The following FOS variants were observed in gnomAD, a reference collection of about 807,000 sequenced individuals.
FOS encodes Fos proto-oncogene, AP-1 transcription factor subunit.
A neutral mutation model predicts 27.2 loss-of-function variants in FOS; 9 were observed. That is an observed-to-expected ratio of 0.33 (90% CI 0.20 to 0.58). The LOEUF is 0.58. Among genes scored for constraint, FOS ranks in the 20% least tolerant of loss-of-function variants. The pLI is 0.87. For missense variants in FOS, 405 were observed against 483.5 expected (o/e 0.84, Z 1.52); for synonymous variants, 213 against 205.1 (o/e 1.04, Z -0.33).
chr14:75,280,097 A>G lies in FOS; in HGVS notation c.362A>G (p.Gln121Arg), dbSNP rs370389688. 76 of 1,613,950 alleles carry G rather than the reference A, an allele frequency of 4.7e-5. No individual in the cohort carries two copies. The highest frequency in any genetic ancestry group is 6.3e-5 in the Non-Finnish European group (74 of 1,180,048). Residue 121 changes from glutamine to arginine, a missense_variant, in exon 2 of 4, where the codon CAG becomes CGG. Coordinates refer to ENST00000303562, the MANE Select transcript of FOS (RefSeq NM_005252.4). ...VVKTMTGGRA[Q>R]SIGRRGKVEQ... ...AAGACCATGACAGGAGGCCGAGCGC[A>G]GAGCATTGGCAGGAGGGGCAAGGTG... is the stretch of plus-strand genomic sequence containing the variant.
chr14:75,280,036 C>G lies in FOS; in HGVS notation c.301C>G (p.Pro101Ala). ...CCCTCACCCTTTCGGAGTCCCCGCC[C>G]CCTCCGCTGGGGCTTACTCCAGGGC... ...RAPHPFGVPA[P>A]SAGAYSRAGV... is the part of the protein sequence containing the mutation. Residue 101 changes from proline (P) to alanine (A), a missense_variant, in exon 2 of 4, where the codon CCC (proline) becomes GCC (alanine). Pro to Ala is a conservative substitution (Grantham distance 27, BLOSUM62 -1). Coordinates refer to ENST00000303562, the MANE Select transcript of FOS (RefSeq NM_005252.4). 6.2e-7 allele frequency: 1 copy of G among 1,614,158 alleles called. No homozygotes were observed. The highest frequency in any genetic ancestry group is 8.5e-7 in the Non-Finnish European group (1 of 1,180,024).
chr14:75,280,203 A>C, intron 2 of FOS, 75 bp downstream of exon 2: 1 of 1,599,052 alleles, frequency 6.3e-7, no homozygotes. Flanking sequence ...GCAGGAGCCC[A>C]GTACAGAGGA....
At chr14:75,280,413 T>G in intron 2 of FOS, 147 bp from the exon 3 acceptor site, 1 of 708,042 alleles carries the variant, frequency 1.4e-6, no homozygotes, top group Non-Finnish European at 2.4e-6. Context: ...AAGTCACACC[T>G]AGTCTGCAAC....
In FOS at chr14:75,278,982, G is replaced by A; in HGVS notation, c.-1G>A. On this transcript the variant is annotated 5_prime_UTR_variant, in exon 1 of 4. Coordinates refer to ENST00000303562, the MANE Select transcript of FOS (RefSeq NM_005252.4). The surrounding 1 kb of genome is among the most constrained non-coding windows in gnomAD (Gnocchi z 4.1). ...TCGCCCGGCTTTGCCTAACCGCCAC[G>A]ATGATGTTCTCGGGCTTCAACGCAG... 2 of 1,613,590 alleles carry A rather than the reference G, an allele frequency of 1.2e-6. No individual in the cohort carries two copies. The highest frequency in any genetic ancestry group is 8.5e-7 in the Non-Finnish European group (1 of 1,179,912).
Position 75,281,623 on chromosome 14 carries a change from G to T in FOS, c.*199G>T, listed in dbSNP as rs1358739433. 3 of 610,572 alleles carry T rather than the reference G, an allele frequency of 4.9e-6. No individual in the cohort carries two copies. In the South Asian group the frequency reaches 6.0e-5, roughly 12 times the overall value. 37.8% of individuals were successfully genotyped at this position (610,572 alleles called of 1,614,324 possible). On this transcript the variant is annotated 3_prime_UTR_variant, in exon 4 of 4. Transcript: ENST00000303562. The surrounding 1 kb of genome is among the most constrained non-coding windows in gnomAD (Gnocchi z 4.7). ...GTGGACTCAAGTCCTTACCTCTTCC[G>T]GAGATGTAGCAAAACGCATGGAGTG...
At position 75,279,819 on chromosome 14, in the gene FOS, C is replaced by T; in HGVS notation, c.142-58C>T. On this transcript the variant is annotated intron_variant, in intron 1 of 3. Coordinates refer to ENST00000303562, the MANE Select transcript of FOS (RefSeq NM_005252.4). This position sits in a 1 kb window ranked among gnomAD's most constrained non-coding sequence, Gnocchi z 5.4. Reference sequence around the variant, plus strand: ...CTGCATGCGGCACTGGGAACTCGCCCCACCTGTGTCCGGAACCTGCTCGCT... The same window carrying T: ...CTGCATGCGGCACTGGGAACTCGCCTCACCTGTGTCCGGAACCTGCTCGCT... 1 of 1,536,980 alleles carries T rather than the reference C, an allele frequency of 6.5e-7. No homozygotes were observed. The highest frequency in any genetic ancestry group is 8.8e-7 in the Non-Finnish European group (1 of 1,139,228).
Position 75,279,420 on chromosome 14 carries a change from G to T in FOS, c.141+297G>T. 2.1e-6 allele frequency: 1 copy of T among 484,410 alleles called. No individual in the cohort carries two copies. Among genetic ancestry groups the T allele is most frequent in the South Asian group, 2.4e-5 (1 of 40,830 alleles). The allele number at this position is 484,410 out of a possible 1,614,324, so 30.0% of individuals were successfully genotyped here. On this transcript the variant is annotated intron_variant, in intron 1 of 3. Coordinates refer to ENST00000303562, the MANE Select transcript of FOS (RefSeq NM_005252.4). The surrounding 1 kb of genome is among the most constrained non-coding windows in gnomAD (Gnocchi z 5.4). ...GCAGACGTGTCCCAAGCACAAACTCGCTAACTAGAGCCTGGCTTCTCCGGG... is the reference window on the plus strand; with the variant it reads ...GCAGACGTGTCCCAAGCACAAACTCTCTAACTAGAGCCTGGCTTCTCCGGG...
rs1897233892 is a variant in FOS at position 75,281,930 on chromosome 14, A to G, written c.*506A>G. On this transcript the variant is annotated 3_prime_UTR_variant, in exon 4 of 4. Coordinates refer to ENST00000303562, the MANE Select transcript of FOS (RefSeq NM_005252.4). The surrounding 1 kb of genome is among the most constrained non-coding windows in gnomAD (Gnocchi z 4.7). ...CGACTTTATTTTCTGGTAGATAGAA[A>G]TAAATAGCTATATCCATGTACTGTA... 6.2e-6 allele frequency: 1 copy of G among 162,262 alleles called. No homozygotes were observed. Among genetic ancestry groups the G allele is most frequent in the South Asian group, 1.5e-4 (1 of 6,658 alleles). 10.1% of individuals were successfully genotyped at this position (162,262 alleles called of 1,614,324 possible).
chr14:75,279,745 A>T lies in FOS; in HGVS notation c.142-132A>T. On this transcript the variant is annotated intron_variant, in intron 1 of 3. Transcript: ENST00000303562. The surrounding 1 kb of genome is among the most constrained non-coding windows in gnomAD (Gnocchi z 5.4). ...AGGGGGAGACCTTTCATCCAGGATG[A>T]GGGACATTTAAGATGAAATGTCCGT... 9.4e-7 allele frequency: 1 copy of T among 1,064,214 alleles called. No homozygotes were observed. 65.9% of individuals were successfully genotyped at this position (1,064,214 alleles called of 1,614,324 possible). A position where few individuals can be genotyped will look rare whatever the true frequency, so the allele number is the denominator to read the frequency against.
Position 75,279,978 on chromosome 14 carries a change from C to T in FOS, c.243C>T (p.Leu81=), listed in dbSNP as rs865962345. The T allele has an allele frequency of 1.1e-5, 17 of 1,614,026 alleles. No individual in the cohort carries two copies. The highest frequency in any genetic ancestry group is 1.3e-5 in the Non-Finnish European group (15 of 1,180,016). ...PDLQWLVQPA[L]VSSVAPSQTR... is the part of the protein sequence containing the mutation. ...TGCAGTGGCTGGTGCAGCCCGCCCT[C>T]GTCTCCTCCGTGGCCCCATCGCAGA... The change falls in exon 2 of 4, where the codon CTC becomes CTT. Residue 81 remains leucine (L), a synonymous_variant. Transcript: ENST00000303562. This position sits in a 1 kb window ranked among gnomAD's most constrained non-coding sequence, Gnocchi z 5.4.
In FOS at chr14:75,279,736, T is replaced by C. The variant is rs1897204677; in HGVS notation, c.142-141T>C. On this transcript the variant is annotated intron_variant, in intron 1 of 3. Coordinates refer to ENST00000303562, the MANE Select transcript of FOS (RefSeq NM_005252.4). This position sits in a 1 kb window ranked among gnomAD's most constrained non-coding sequence, Gnocchi z 5.4. ...GGGAGGAAAAGGGGGAGACCTTTCA[T>C]CCAGGATGAGGGACATTTAAGATGA... 2 of 1,010,602 alleles carry C rather than the reference T, an allele frequency of 2.0e-6. No homozygotes were observed. Among genetic ancestry groups the C allele is most frequent in the South Asian group, 3.2e-5 (2 of 62,620 alleles). The allele number at this position is 1,010,602 out of a possible 1,614,324, so 62.6% of individuals were successfully genotyped here. A position where few individuals can be genotyped will look rare whatever the true frequency, so the allele number is the denominator to read the frequency against.
At chr14:75,280,497 G>A (rs1897215082) in intron 2 of FOS, 63 bp from the exon 3 acceptor site, 1 of 1,311,206 alleles carries the variant, frequency 7.6e-7, no homozygotes, top group Admixed American at 1.9e-5. Context: ...TACTGGGGTG[G>A]GTGAATGGAG....
chr14:75,279,272 C>T lies in FOS; in HGVS notation c.141+149C>T, dbSNP rs551785157. ...CCGGAGCGGTGCCGGCTCGGGGGCT[C>T]GGGACTTGCTCTGAGCGCACGCACG... On this transcript the variant is annotated intron_variant, in intron 1 of 3. Coordinates refer to ENST00000303562, the MANE Select transcript of FOS (RefSeq NM_005252.4). This position sits in a 1 kb window ranked among gnomAD's most constrained non-coding sequence, Gnocchi z 5.4. 3.6e-4 allele frequency: 370 copies of T among 1,025,608 alleles called. 2 individuals are homozygous for T. The highest frequency in any genetic ancestry group is 3.4e-3 in the East Asian group (132 of 39,236). The allele number at this position is 1,025,608 out of a possible 1,614,324, so 63.5% of individuals were successfully genotyped here.
rs1253186300 is a variant in FOS, at chr14:75,279,748, G to C, written c.142-129G>C. The C allele has an allele frequency of 9.1e-7, 1 of 1,097,696 alleles. No individual in the cohort carries two copies. Among genetic ancestry groups the C allele is most frequent in the Non-Finnish European group, 1.3e-6 (1 of 759,294 alleles). 68.0% of individuals were successfully genotyped at this position (1,097,696 alleles called of 1,614,324 possible). ...GGGAGACCTTTCATCCAGGATGAGG[G>C]ACATTTAAGATGAAATGTCCGTGGC... On this transcript the variant is annotated intron_variant, in intron 1 of 3. Transcript: ENST00000303562. The surrounding 1 kb of genome is among the most constrained non-coding windows in gnomAD (Gnocchi z 5.4).
At position 75,281,668 on chromosome 14, in the gene FOS, CTTCAG is replaced by C; in HGVS notation, c.*245_*249del. 1 of 531,982 alleles carries C rather than the reference CTTCAG, an allele frequency of 1.9e-6. No homozygotes were observed. Among genetic ancestry groups the C allele is most frequent in the South Asian group, 2.5e-5 (1 of 39,666 alleles). 33.0% of individuals were successfully genotyped at this position (531,982 alleles called of 1,614,324 possible). A position where few individuals can be genotyped will look rare whatever the true frequency, so the allele number is the denominator to read the frequency against. ...GGAGTGTGTATTGTTCCCAGTGACA[CTTCAG>C]AGAGCTGGTAGTTAGTAGCATGTTG... On this transcript the variant is annotated 3_prime_UTR_variant, in exon 4 of 4. Transcript: ENST00000303562. This position sits in a 1 kb window ranked among gnomAD's most constrained non-coding sequence, Gnocchi z 4.7.
In FOS at chr14:75,282,208, A is replaced by G. The variant is rs1218871508; in HGVS notation, c.*784A>G. ...CTTATTGTTCCAAGACATTGTCAAT[A>G]AAAGCATTTAAGTTGAATGCGACCA... On this transcript the variant is annotated 3_prime_UTR_variant, in exon 4 of 4. Coordinates refer to ENST00000303562, the MANE Select transcript of FOS (RefSeq NM_005252.4). The G allele has an allele frequency of 1.3e-5, 2 of 152,234 alleles. No homozygotes were observed. Among genetic ancestry groups the G allele is most frequent in the African/African-American group, 2.4e-5 (1 of 41,460 alleles). The allele number at this position is 152,234 out of a possible 1,614,324, so 9.4% of individuals were successfully genotyped here.
chr14:75,280,321 A>G (rs1182545017), intron 2 of FOS, 193 bp downstream of exon 2: 2 of 751,440 alleles, frequency 2.7e-6, no homozygotes, highest in African/African-American at 1.8e-5. Flanking sequence ...GTACTCTCAT[A>G]GTTTCTTCCC....
At position 75,282,106 on chromosome 14, in the gene FOS, T is replaced by A. The variant is rs986499909; in HGVS notation, c.*682T>A. 3.9e-5 allele frequency: 6 copies of A among 152,624 alleles called. No individual in the cohort carries two copies. The highest frequency in any genetic ancestry group is 2.0e-4 in the Admixed American group (3 of 15,284). 9.5% of individuals were successfully genotyped at this position (152,624 alleles called of 1,614,324 possible). On this transcript the variant is annotated 3_prime_UTR_variant, in exon 4 of 4. Transcript: ENST00000303562. ...GATGGATTCTCAGATATTTATATTT[T>A]TATTTTATTTTTTTCTACCTTGAGG...
Position 75,279,941 on chromosome 14 carries a change from C to T in FOS, c.206C>T (p.Thr69Ile), listed in dbSNP as rs1472232276. ...NFIPTVTAIS[T>I]SPDLQWLVQP... is the part of the protein sequence containing the mutation. Reference sequence around the variant, plus strand: ...ATTCCCACGGTCACTGCCATCTCGACCAGTCCGGACCTGCAGTGGCTGGTG... The same window carrying T: ...ATTCCCACGGTCACTGCCATCTCGATCAGTCCGGACCTGCAGTGGCTGGTG... Residue 69 changes from threonine (T) to isoleucine (I), a missense_variant, in exon 2 of 4, where the codon ACC (threonine) becomes ATC (isoleucine). Thr to Ile is a moderately conservative substitution (Grantham distance 89). Coordinates refer to ENST00000303562, the MANE Select transcript of FOS (RefSeq NM_005252.4). This position sits in a 1 kb window ranked among gnomAD's most constrained non-coding sequence, Gnocchi z 5.4. The T allele has an allele frequency of 1.2e-6, 2 of 1,614,000 alleles. No homozygotes were observed. The highest frequency in any genetic ancestry group is 1.3e-5 in the African/African-American group (1 of 74,930).
Sources: allele counts gnomAD v4.1 joint callset, GRCh38; gene constraint gnomAD v4.1.1; non-coding constraint Gnocchi (gnomAD v3.1); transcripts MANE v1.5; gene names NCBI Gene and HGNC (gene_info 2026-07-23, HGNC 2026-07-21).